The following ANO3 variants were observed in gnomAD, a reference collection of about 807,000 sequenced individuals.
ANO3 encodes the protein anoctamin-3.
Under a neutral mutation model 144.8 loss-of-function variants are expected in ANO3, and 99 were observed. That is an observed-to-expected ratio of 0.68 (90% CI 0.58 to 0.81). The LOEUF (loss-of-function observed/expected upper bound fraction) is 0.81, where lower values mean the gene tolerates loss of function less well. ANO3 is among the 30% of genes least tolerant of loss of function. The pLI is 0.00. For missense variants in ANO3, 905 were observed against 1,202.2 expected (o/e 0.75, Z 3.66); for synonymous variants, 414 against 392.6 (o/e 1.05, Z -0.64).
chr11:26,398,370 T>G (rs1857069668), intron 1 of ANO3, among the ~76,000 whole-genome samples: 1 of 152,084 alleles, frequency 6.6e-6, no homozygotes, highest in African/African-American at 2.4e-5. Context: ...TAGGTTACCT[T>G]TGGAAATGAA....
intron 1 of ANO3, among the ~76,000 whole-genome samples, chr11:26,194,554 G>A (rs1851547605): frequency 6.6e-6 from 1 of 151,064 alleles, no homozygotes; most frequent in East Asian, 1.9e-4. Flanking sequence ...AGGCTGGAGT[G>A]CAATGGCATG....
intron 1 of ANO3, among the ~76,000 whole-genome samples, chr11:26,384,605 A>G (rs1856675358): frequency 6.6e-6 from 1 of 152,142 alleles, no homozygotes; most frequent in African/African-American, 2.4e-5. Context: ...AACCTCATTC[A>G]TCACCTAGTC....
chr11:26,272,577 AC>A (rs1205366826), intron 1 of ANO3, among the ~76,000 whole-genome samples: 1 of 152,216 alleles, frequency 6.6e-6, no homozygotes, highest in Non-Finnish European at 1.5e-5. Context: ...ATCTGAAGTG[AC>A]AAATTTAATG....
intron 17 of ANO3, among the ~76,000 whole-genome samples, chr11:26,613,882 T>C (rs1565143425): frequency 6.6e-6 from 1 of 152,230 alleles, no homozygotes; most frequent in Non-Finnish European, 1.5e-5. Flanking sequence ...GCCAACAATC[T>C]GTATGGTGAG....
intron 1 of ANO3, among the ~76,000 whole-genome samples, chr11:26,342,635 G>T (rs1025417569): frequency 1.3e-5 from 2 of 152,098 alleles, no homozygotes; most frequent in African/African-American, 4.8e-5. Context: ...GTGGTATTTT[G>T]CTATAGCTGC....
At chr11:26,506,354 A>G (rs1861435607) in intron 4 of ANO3, among the ~76,000 whole-genome samples, 1 of 152,138 alleles carries the variant, frequency 6.6e-6, no homozygotes, top group African/African-American at 2.4e-5. Context: ...TGATATCTGT[A>G]TGTCACTTAA....
chr11:26,295,006 C>G (rs1258391328), intron 1 of ANO3, among the ~76,000 whole-genome samples: 3 of 152,060 alleles, frequency 2.0e-5, no homozygotes, highest in Non-Finnish European at 4.4e-5. Flanking sequence ...TCAAGCGATT[C>G]CCCTGCCTCA....
intron 18 of ANO3, among the ~76,000 whole-genome samples, chr11:26,630,768 G>A (rs935510842): frequency 6.6e-6 from 1 of 152,120 alleles, no homozygotes; most frequent in Non-Finnish European, 1.5e-5. Context: ...ATGAAAGTGG[G>A]TTATAGTGTC....
chr11:26,572,375 G>T, intron 14 of ANO3: 1 of 373,938 alleles, frequency 2.7e-6, no homozygotes, highest in Non-Finnish European at 3.7e-6. Context: ...GTCAGTGGTA[G>T]CAAAACACGG....
intron 1 of ANO3, among the ~76,000 whole-genome samples, chr11:26,347,878 A>C (rs1855535048): frequency 1.3e-5 from 2 of 152,218 alleles, no homozygotes; most frequent in African/African-American, 2.4e-5. Context: ...CTTGTACAAC[A>C]TCATGTGTTT....
At position 26,221,602 on chromosome 11, in the gene ANO3, A is replaced by G. The variant is rs560825330; in HGVS notation, c.154+32272A>G. On this transcript the variant is annotated intron_variant, in intron 1 of 27. Coordinates refer to the ANO3 transcript ENST00000672621. The stretch of plus-strand genomic sequence containing the variant: ...AAATAGCTAACACTGGATAATTTAT[A>G]AAGATAAAAGGCTTAATTCACTCAT... 1.4e-4 allele frequency among the ~76,000 whole-genome samples: 22 copies of G among 152,324 alleles called. 1 individual carries two copies. The South Asian group carries it at 4.3e-3, about 30-fold the overall frequency.
At chr11:26,567,190 T>C (rs1850622716) in intron 14 of ANO3, 2 of 1,160,488 alleles carry the variant, frequency 1.7e-6, no homozygotes, top group Non-Finnish European at 2.2e-6. Flanking sequence ...GACTCCAATC[T>C]CATTAGAGGC....
rs564089104 is a variant in ANO3 at position 26,455,460 on chromosome 11, C to T, written c.314-7570C>T. Among the ~76,000 whole-genome samples the T allele has an allele frequency of 1.7e-3, 254 of 152,218 alleles. 1 individual carries two copies. Among genetic ancestry groups the T allele is most frequent in the Middle Eastern group, 6.8e-3 (2 of 292 alleles). On this transcript the variant is annotated intron_variant, in intron 3 of 26. Transcript: ENST00000256737. ...CAAACAGAGCCAAATCATGAGTGAA[C>T]TCCCATTCACAATTGCTTCAAAGAG...
At chr11:26,302,221 G>T (rs981074120) in intron 1 of ANO3, among the ~76,000 whole-genome samples, 3 of 152,202 alleles carry the variant, frequency 2.0e-5, no homozygotes, top group African/African-American at 7.2e-5. Flanking sequence ...TGATGGCCAG[G>T]TGCGGTGGCT....
rs1161631402 is a variant in ANO3, at chr11:26,194,439, GGTGTGTGT to G, written c.154+5150_154+5157del. Among the ~76,000 whole-genome samples the G allele has an allele frequency of 9.7e-3, 587 of 60,584 alleles. 2 individuals carry two copies. The highest frequency in any genetic ancestry group is 0.03 in the Middle Eastern group (3 of 100). 39.7% of individuals were successfully genotyped at this position (60,584 alleles called of 152,430 possible). Reference sequence around the variant, plus strand: ...TTTTTCATCTTTGTGGGTACATAGTGGTGTGTGTGTGTGTGTGTGTGTGTGTGTGTGTG... The same window carrying G: ...TTTTTCATCTTTGTGGGTACATAGTGGTGTGTGTGTGTGTGTGTGTGTGTG... On this transcript the variant is annotated intron_variant, in intron 1 of 27. Coordinates refer to the ANO3 transcript ENST00000672621.
chr11:26,519,261 T>C (rs954218062), intron 6 of ANO3, among the ~76,000 whole-genome samples: 1 of 152,172 alleles, frequency 6.6e-6, no homozygotes, highest in Non-Finnish European at 1.5e-5. Flanking sequence ...TAAAATATGC[T>C]CAAAGAGAGA....
At chr11:26,455,687 A>G (rs1285590945) in intron 3 of ANO3, among the ~76,000 whole-genome samples, 5 of 151,368 alleles carry the variant, frequency 3.3e-5, no homozygotes, top group Admixed American at 1.3e-4. Context: ...CCGTCAAGCT[A>G]CCAATGACTT....
intron 1 of ANO3, among the ~76,000 whole-genome samples, chr11:26,262,778 G>C (rs914120328): frequency 4.6e-5 from 7 of 151,546 alleles, no homozygotes; most frequent in African/African-American, 1.7e-4. Context: ...TCAACCAAGT[G>C]AGGATACAAT....
At chr11:26,325,653 T>A (rs904844899) in intron 1 of ANO3, among the ~76,000 whole-genome samples, 4 of 152,212 alleles carry the variant, frequency 2.6e-5, no homozygotes, top group Non-Finnish European at 4.4e-5. Context: ...TATATCACAA[T>A]GTTTGATTTC....
Sources: gnomAD v4.1 joint callset for allele counts (sites outside exome capture counted in the v4.1 genomes callset) on GRCh38, gnomAD v4.1.1 for gene constraint, MANE v1.5 for transcripts, NCBI Gene and HGNC (gene_info 2026-07-23, HGNC 2026-07-21) for gene names.